The following CDKL1 variants were observed in gnomAD, a reference collection of about 807,000 sequenced individuals.
CDKL1 encodes cyclin-dependent kinase-like 1.
CDKL1 carries 41 observed loss-of-function variants against 42.0 expected under a neutral mutation model. That is an observed-to-expected ratio of 0.98 (90% CI 0.76 to 1.27). The LOEUF is 1.27. Ranked by LOEUF, CDKL1 falls within the 50% of genes most tolerant of loss-of-function variation. The pLI is 0.00. For missense variants in CDKL1, 394 were observed against 428.4 expected (o/e 0.92, Z 0.71); for synonymous variants, 153 against 158.6 (o/e 0.96, Z 0.26).
At chr14:50,341,321 C>G in intron 5 of CDKL1, 89 bp from the exon 6 acceptor site, 3 of 1,465,598 alleles carry the variant, frequency 2.0e-6, no homozygotes, top group Non-Finnish European at 2.7e-6. Context: ...AGCCTGTGCC[C>G]AATTTTGTGG....
chr14:50,336,019 CTT>C, intron 7 of CDKL1: 1 of 1,366,516 alleles, frequency 7.3e-7, no homozygotes, highest in Non-Finnish European at 9.8e-7. Flanking sequence ...AAATATTTCT[CTT>C]GTTCTTTCTG....
chr14:50,327,864 C>T lies in CDKL1; in HGVS notation c.*2210G>A, dbSNP rs1248707539. The T allele has an allele frequency of 6.6e-6, 1 of 152,028 alleles. No homozygotes were observed. The highest frequency in any genetic ancestry group is 6.6e-5 in the Admixed American group (1 of 15,260). 9.4% of individuals were successfully genotyped at this position (152,028 alleles called of 1,614,324 possible). A position where few individuals can be genotyped will look rare whatever the true frequency, so the allele number is the denominator to read the frequency against. ...TGTTTAACAATGTTGTGTTTAACAG[C>T]TTATACAAATAACACAGTATAAATG... is the stretch of plus-strand genomic sequence containing the variant. On this transcript the variant is annotated 3_prime_UTR_variant, in exon 10 of 10. Transcript: ENST00000395834.
intron 7 of CDKL1, among the ~76,000 whole-genome samples, chr14:50,338,159 CCCATT>C (rs1464513372): frequency 1.3e-5 from 2 of 152,144 alleles, no homozygotes; most frequent in African/African-American, 4.8e-5. Flanking sequence ...ATGGGCTTCC[CCCATT>C]TGGGTTGGCC....
At chr14:50,363,969 C>T (rs533160769) in intron 2 of CDKL1, 4 of 152,424 alleles carry the variant, frequency 2.6e-5, no homozygotes, top group Admixed American at 2.0e-4. Flanking sequence ...CATGCCCCAC[C>T]TCCAGATGTT....
chr14:50,363,630 A>G (rs1051529659), intron 2 of CDKL1, among the ~76,000 whole-genome samples: 1 of 152,110 alleles, frequency 6.6e-6, no homozygotes, highest in Admixed American at 6.5e-5. Flanking sequence ...TTCTCTTTCC[A>G]TTTTCCACAT....
At chr14:50,346,365 G>T (rs967710776) in intron 3 of CDKL1, among the ~76,000 whole-genome samples, 1 of 152,082 alleles carries the variant, frequency 6.6e-6, no homozygotes, top group Non-Finnish European at 1.5e-5. Context: ...CGGCATATAG[G>T]CATAGATGCT....
At chr14:50,379,320 C>T (rs980507477) in intron 2 of CDKL1, among the ~76,000 whole-genome samples, 14 of 152,110 alleles carry the variant, frequency 9.2e-5, no homozygotes, top group African/African-American at 3.4e-4. Flanking sequence ...GGACCTACCA[C>T]CTGATTATGT....
At chr14:50,385,934 A>C in intron 2 of CDKL1, among the ~76,000 whole-genome samples, 1 of 152,238 alleles carries the variant, frequency 6.6e-6, no homozygotes, top group East Asian at 1.9e-4. Flanking sequence ...TTATTAGAAC[A>C]ATATGAGAAA....
intron 9 of CDKL1, chr14:50,332,026 G>C (rs1566569299): frequency 6.5e-7 from 1 of 1,537,970 alleles, no homozygotes; most frequent in Non-Finnish European, 8.7e-7. Context: ...ATGCAGGCTG[G>C]AAACCCTGGC....
At position 50,329,745 on chromosome 14, in the gene CDKL1, C is replaced by G. The variant is rs2032835766; in HGVS notation, c.*329G>C. 4.6e-6 allele frequency: 1 copy of G among 215,500 alleles called. No individual in the cohort carries two copies. Among genetic ancestry groups the G allele is most frequent in the East Asian group, 1.5e-4 (1 of 6,562 alleles). The allele number at this position is 215,500 out of a possible 1,614,324, so 13.3% of individuals were successfully genotyped here. A position where few individuals can be genotyped will look rare whatever the true frequency, so the allele number is the denominator to read the frequency against. On this transcript the variant is annotated 3_prime_UTR_variant, in exon 10 of 10. Transcript: ENST00000395834. ...CATTTTTCTTGTGTGGCATGTGGTA[C>G]AACTGAAGCATAAATCTTTTTGATA...
At chr14:50,381,733 G>C (rs17717394) in intron 2 of CDKL1, among the ~76,000 whole-genome samples, 7,599 of 151,352 alleles carry the variant, frequency 0.05, 269 homozygotes, top group Non-Finnish European at 0.082. Context: ...ACATCTGTTG[G>C]TTTAGAAATT....
chr14:50,332,442 C>A lies in CDKL1; in HGVS notation c.796-10G>T, dbSNP rs139912277. ...CCATGTGGAGACAGCCCTAAAAGAA[C>A]AGAAAATTCCTTCTTCTTACTTCTT... On this transcript the variant is annotated splice_polypyrimidine_tract_variant and intron_variant, in intron 8 of 9. Transcript: ENST00000395834. 7 of 1,583,884 alleles carry A rather than the reference C, an allele frequency of 4.4e-6. No individual in the cohort carries two copies. The East Asian group carries it at 1.6e-4, about 35-fold the overall frequency.
chr14:50,333,399 GAC>G (rs1182539616), intron 8 of CDKL1: 3 of 152,150 alleles, frequency 2.0e-5, no homozygotes, highest in Non-Finnish European at 2.9e-5. Flanking sequence ...CATGCTAAAA[GAC>G]ACTTTCACCA....
Position 50,396,012 on chromosome 14 carries a change from C to T in CDKL1, c.-144G>A. The T allele has an allele frequency of 1.0e-6, 1 of 1,002,600 alleles. No homozygotes were observed. Among genetic ancestry groups the T allele is most frequent in the Non-Finnish European group, 1.4e-6 (1 of 702,450 alleles). The allele number at this position is 1,002,600 out of a possible 1,614,324, so 62.1% of individuals were successfully genotyped here. A position where few individuals can be genotyped will look rare whatever the true frequency, so the allele number is the denominator to read the frequency against. On this transcript the variant is annotated 5_prime_UTR_variant, in exon 2 of 10. Transcript: ENST00000395834. ...CCAGTCTGGCCAACATACTGAAACT[C>T]CGTCTCTACTAAAGATACAAAAAAT...
chr14:50,376,480 T>C (rs1662791644), intron 2 of CDKL1: 4 of 456,588 alleles, frequency 8.8e-6, no homozygotes, highest in South Asian at 6.5e-5. Context: ...GATGGCTGAA[T>C]ACATTGTGCT....
intron 6 of CDKL1, among the ~76,000 whole-genome samples, chr14:50,340,323 T>C (rs2033466324): frequency 6.6e-6 from 1 of 152,176 alleles, no homozygotes; most frequent in South Asian, 2.1e-4. Context: ...AAGATAAGAT[T>C]ACAAGGGAAG....
At chr14:50,340,930 T>C (rs998498568) in intron 6 of CDKL1, 102 bp downstream of exon 6, 1 of 1,214,296 alleles carries the variant, frequency 8.2e-7, no homozygotes, top group Non-Finnish European at 1.1e-6. Flanking sequence ...TCCTAACTAA[T>C]GCCTTAAAGG....
intron 3 of CDKL1, chr14:50,357,939 G>A (rs2034104867): frequency 1.7e-6 from 1 of 589,884 alleles, no homozygotes. Flanking sequence ...GGGAGAGAGT[G>A]AGAAAGAACA....
intron 2 of CDKL1, chr14:50,390,405 C>T: frequency 1.5e-6 from 2 of 1,341,868 alleles, no homozygotes; most frequent in Non-Finnish European, 2.0e-6. Context: ...CTCTTCTTAC[C>T]ATTTTCATTC....
Sources: gnomAD v4.1 joint callset for allele counts (sites outside exome capture counted in the v4.1 genomes callset) on GRCh38, gnomAD v4.1.1 for gene constraint, MANE v1.5 for transcripts, NCBI Gene and HGNC (gene_info 2026-07-23, HGNC 2026-07-21) for gene names.